The following ZFAND3 variants were observed in gnomAD, a reference collection of about 807,000 sequenced individuals.
ZFAND3 encodes the protein AN1-type zinc finger protein 3.
ZFAND3 carries 10 observed loss-of-function variants against 29.6 expected under a neutral mutation model. The ratio of observed to expected loss-of-function variants is 0.34; its 90% CI spans 0.21 to 0.57. ZFAND3 has a LOEUF of 0.57. Among genes scored for constraint, ZFAND3 ranks in the 20% least tolerant of loss-of-function variants. The pLI is 0.86. For synonymous variants in ZFAND3, 128 were observed against 112.6 expected (o/e 1.14, Z -0.87); for missense variants, 230 against 304.5 (o/e 0.76, Z 1.82).
intron 4 of ZFAND3, among the ~76,000 whole-genome samples, chr6:38,087,632 C>A (rs1764782465): frequency 6.6e-6 from 1 of 152,176 alleles, no homozygotes; most frequent in Admixed American, 6.5e-5. Flanking sequence ...ATCAAAACTA[C>A]AATGAGATGT....
chr6:38,144,208 TATAATATATAATATA>T lies in ZFAND3; in HGVS notation c.530-8026_530-8012del, dbSNP rs1562016043. On this transcript the variant is annotated intron_variant, in intron 5 of 5. Coordinates refer to ENST00000287218, the MANE Select transcript of ZFAND3 (RefSeq NM_021943.3). Reference sequence around the variant, plus strand: ...TAATATATATATATATATATATATATATAATATATAATATATATATATATTTTTTTTTTAATAAGG... The same window carrying T: ...TAATATATATATATATATATATATATTATATATATTTTTTTTTTAATAAGG... Among the ~76,000 whole-genome samples, 16 of 43,474 alleles carry T rather than the reference TATAATATATAATATA, an allele frequency of 3.7e-4. 2 individuals are homozygous for T. The East Asian group carries it at 5.0e-3, about 14-fold the overall frequency. The allele number at this position is 43,474 out of a possible 152,430, so 28.5% of individuals were successfully genotyped here.
At chr6:37,976,343 A>T (rs1762477521) in intron 2 of ZFAND3, among the ~76,000 whole-genome samples, 1 of 152,038 alleles carries the variant, frequency 6.6e-6, no homozygotes, top group African/African-American at 2.4e-5. Context: ...GCACTTTGGG[A>T]GGCCAAGGTA....
intron 2 of ZFAND3, among the ~76,000 whole-genome samples, chr6:37,998,588 T>C (rs1762892615): frequency 6.6e-6 from 1 of 152,112 alleles, no homozygotes; most frequent in Non-Finnish European, 1.5e-5. Flanking sequence ...TGGAAGTAAG[T>C]GAATTCTGAA....
intron 2 of ZFAND3, among the ~76,000 whole-genome samples, chr6:37,968,286 G>GA (rs910813639): frequency 1.3e-5 from 2 of 151,608 alleles, no homozygotes; most frequent in East Asian, 3.9e-4. Context: ...ATGGATGGGG[G>GA]AAAAAAAGCG....
intron 1 of ZFAND3, among the ~76,000 whole-genome samples, chr6:37,859,705 C>T (rs1176434837): frequency 1.3e-5 from 2 of 152,038 alleles, no homozygotes; most frequent in Non-Finnish European, 2.9e-5. Context: ...TGGGACTGGC[C>T]TTGTACCTCA....
chr6:38,104,047 T>C (rs1341445209), intron 4 of ZFAND3, among the ~76,000 whole-genome samples: 3 of 152,224 alleles, frequency 2.0e-5, no homozygotes, highest in East Asian at 3.8e-4. Flanking sequence ...CTTGCTGATA[T>C]GGAGAAGCTA....
At chr6:37,887,626 G>A (rs890556179) in intron 1 of ZFAND3, among the ~76,000 whole-genome samples, 3 of 152,090 alleles carry the variant, frequency 2.0e-5, no homozygotes, top group African/African-American at 7.2e-5. Flanking sequence ...ATTTAGATTG[G>A]GGAACTTTGG....
At position 37,963,772 on chromosome 6, in the gene ZFAND3, T is replaced by A. The variant is rs568072206; in HGVS notation, c.112+33773T>A. On this transcript the variant is annotated intron_variant, in intron 2 of 5. Coordinates refer to ENST00000287218, the MANE Select transcript of ZFAND3 (RefSeq NM_021943.3). ...TGCTGTTTTTCCTCTCAATCTAGAA[T>A]TTAAAGATGTTCTATTGATCTAGGT... Among the ~76,000 whole-genome samples the A allele has an allele frequency of 1.3e-4, 20 of 152,322 alleles. No individual in the cohort carries two copies. The South Asian group carries it at 1.9e-3, about 14-fold the overall frequency.
At chr6:38,034,998 C>T (rs1367521622) in intron 2 of ZFAND3, among the ~76,000 whole-genome samples, 1 of 151,898 alleles carries the variant, frequency 6.6e-6, no homozygotes, top group Non-Finnish European at 1.5e-5. Context: ...TAAATAGTCA[C>T]AGTTTACTGG....
chr6:37,935,374 T>C (rs959228731), intron 2 of ZFAND3, among the ~76,000 whole-genome samples: 2 of 152,152 alleles, frequency 1.3e-5, no homozygotes, highest in Non-Finnish European at 2.9e-5. Context: ...TTAAATATTT[T>C]TATATTGTTT....
chr6:38,132,616 A>C (rs142181751), intron 5 of ZFAND3, among the ~76,000 whole-genome samples: 2 of 152,296 alleles, frequency 1.3e-5, no homozygotes, highest in African/African-American at 4.8e-5. Context: ...CATATAATCC[A>C]AGTAATTAAG....
At chr6:37,861,907 G>GT (rs1262224648) in intron 1 of ZFAND3, among the ~76,000 whole-genome samples, 2 of 152,148 alleles carry the variant, frequency 1.3e-5, no homozygotes, top group Non-Finnish European at 2.9e-5. Flanking sequence ...AAAATATGTT[G>GT]TATGTGTTTT....
chr6:37,931,732 G>T (rs1006862309), intron 2 of ZFAND3, among the ~76,000 whole-genome samples: 1 of 152,038 alleles, frequency 6.6e-6, no homozygotes, highest in Non-Finnish European at 1.5e-5. Flanking sequence ...TTATTAAAGA[G>T]ATTTTTTTTG....
chr6:37,912,971 G>T (rs934746821), intron 1 of ZFAND3, among the ~76,000 whole-genome samples: 4 of 152,126 alleles, frequency 2.6e-5, no homozygotes. Flanking sequence ...ACTGCAGTCT[G>T]TTAAATGTAT....
At chr6:38,121,830 A>G (rs1353790729) in intron 5 of ZFAND3, among the ~76,000 whole-genome samples, 3 of 152,198 alleles carry the variant, frequency 2.0e-5, no homozygotes, top group Non-Finnish European at 4.4e-5. Flanking sequence ...TGTAGTTACT[A>G]TTTTTCCCCT....
chr6:37,909,572 C>T (rs978518676), intron 1 of ZFAND3, among the ~76,000 whole-genome samples: 3 of 151,164 alleles, frequency 2.0e-5, no homozygotes, highest in Admixed American at 6.6e-5. Context: ...GGAGCCACTG[C>T]GCTCAGCCTA....
At chr6:38,046,500 A>G (rs1444058734) in intron 2 of ZFAND3, among the ~76,000 whole-genome samples, 1 of 152,232 alleles carries the variant, frequency 6.6e-6, no homozygotes, top group African/African-American at 2.4e-5. Flanking sequence ...CACTTGTCTT[A>G]AGTGAAATTT....
At chr6:38,074,122 A>G (rs747137970) in intron 3 of ZFAND3, among the ~76,000 whole-genome samples, 5 of 152,180 alleles carry the variant, frequency 3.3e-5, no homozygotes, top group African/African-American at 4.8e-5. Context: ...ATGTGGTCCA[A>G]AGATCCATAG....
At chr6:37,847,599 T>A (rs1764205609) in intron 1 of ZFAND3, among the ~76,000 whole-genome samples, 1 of 152,116 alleles carries the variant, frequency 6.6e-6, no homozygotes, top group Admixed American at 6.6e-5. Context: ...GTACTATTGA[T>A]ACACAGAAAG....
Sources: gnomAD v4.1 joint callset for allele counts (sites outside exome capture counted in the v4.1 genomes callset) on GRCh38, gnomAD v4.1.1 for gene constraint, MANE v1.5 for transcripts, NCBI Gene and HGNC (gene_info 2026-07-23, HGNC 2026-07-21) for gene names.